The following MDN1 variants were observed in gnomAD, a reference collection of about 807,000 sequenced individuals.
The protein encoded by MDN1 is midasin.
Under a neutral mutation model 669.2 loss-of-function variants are expected in MDN1, and 266 were observed. That is an observed-to-expected ratio of 0.40 (90% CI 0.36 to 0.44). The LOEUF is 0.44. Ranked by LOEUF, MDN1 falls within the 20% of genes least tolerant of loss-of-function variation. The pLI is 1.00. For synonymous variants in MDN1, 2,385 were observed against 2,457.1 expected, an observed-to-expected ratio of 0.97 and a Z score of 0.87; for missense variants, 5,940 against 6,754.0, an observed-to-expected ratio of 0.88 and a Z score of 4.22.
chr6:89,676,036 G>T, intron 77 of MDN1, 66 bp downstream of exon 77: 1 of 1,455,760 alleles, frequency 6.9e-7, no homozygotes, highest in Non-Finnish European at 9.6e-7. Context: ...TGAGAATACA[G>T]CCCTGGGATG....
At chr6:89,812,206 A>C (rs765224474) in intron 1 of MDN1, among the ~76,000 whole-genome samples, 3 of 151,750 alleles carry the variant, frequency 2.0e-5, no homozygotes, top group Non-Finnish European at 4.4e-5. Context: ...GGCTGGTCTC[A>C]AACTCCTGAC....
chr6:89,743,776 C>A, intron 29 of MDN1, 62 bp from the exon 30 acceptor site: 4 of 1,546,664 alleles, frequency 2.6e-6, no homozygotes, highest in Non-Finnish European at 2.7e-6. Flanking sequence ...CATAAACACC[C>A]CCCCTCAGCA....
chr6:89,702,332 T>A (rs1453275412), intron 53 of MDN1, among the ~76,000 whole-genome samples: 1 of 152,224 alleles, frequency 6.6e-6, no homozygotes, highest in Non-Finnish European at 1.5e-5. Flanking sequence ...ATGGAATTGC[T>A]GGGTCAAAGT....
chr6:89,814,084 T>C (rs1437901811), intron 1 of MDN1, among the ~76,000 whole-genome samples: 1 of 151,872 alleles, frequency 6.6e-6, no homozygotes, highest in Non-Finnish European at 1.5e-5. Flanking sequence ...AAAGAAAGCA[T>C]AAACCAAAAA....
At chr6:89,709,258 T>C (rs1217510463) in intron 50 of MDN1, among the ~76,000 whole-genome samples, 2 of 152,258 alleles carry the variant, frequency 1.3e-5, no homozygotes, top group East Asian at 1.9e-4. Flanking sequence ...GGCAGGACGG[T>C]TCAGTGGAGC....
Position 89,650,807 on chromosome 6 carries a change from A to G in MDN1, c.15956T>C (p.Leu5319Ser), listed in dbSNP as rs1335849599. 1 of 1,614,152 alleles carries G rather than the reference A, an allele frequency of 6.2e-7. No individual in the cohort carries two copies. Among genetic ancestry groups the G allele is most frequent in the East Asian group, 2.2e-5 (1 of 44,872 alleles). ...TAACCGTTGTGAAAGAGGCGCTGTTAAGATCAGGTAACTCTGCCACATCTC... is the reference window on the plus strand; with the variant it reads ...TAACCGTTGTGAAAGAGGCGCTGTTGAGATCAGGTAACTCTGCCACATCTC... ...AAEMWQSYLI[L>S]TAPLSQRLCE... is the part of the protein sequence containing the mutation. Residue 5319 changes from leucine to serine, a missense_variant, in exon 96 of 102, where the codon TTA becomes TCA. Transcript: ENST00000369393.
chr6:89,789,898 A>AT lies in MDN1; in HGVS notation c.1111dup (p.Met371AsnfsTer34). 6.2e-7 allele frequency: 1 copy of AT among 1,611,268 alleles called. No individual in the cohort carries two copies. The highest frequency in any genetic ancestry group is 8.5e-7 in the Non-Finnish European group (1 of 1,179,278). ...TCCAGGAACATCTGTGCAGCGATAC[A>AT]TCCCCAAAAGCATCTGCAGAAAGAA... On this transcript the variant is annotated frameshift_variant, in exon 7 of 102. Transcript: ENST00000369393. LOFTEE classifies it high-confidence loss of function.
At position 89,706,085 on chromosome 6, in the gene MDN1, T is replaced by C. The variant is rs776710040; in HGVS notation, c.8122A>G (p.Met2708Val). 2 of 1,609,306 alleles carry C rather than the reference T, an allele frequency of 1.2e-6. No homozygotes were observed. The highest frequency in any genetic ancestry group is 1.7e-6 in the Non-Finnish European group (2 of 1,177,024). Residue 2708 changes from methionine (M) to valine (V), a missense_variant, in exon 53 of 102, where the codon ATG (methionine) becomes GTG (valine). Transcript: ENST00000369393. The part of the protein sequence containing the change: ...VLLWVQSSQG[M>V]VSDASANEIL... ...TCATTGGCACTGGCATCAGACACCA[T>C]TCCCTGGGAGGACTGTACCCAGAGC...
rs1808321763 is a variant in MDN1 at position 89,644,088 on chromosome 6, G to T, written c.16708C>A (p.Arg5570=). The T allele has an allele frequency of 6.2e-7, 1 of 1,614,060 alleles. No individual in the cohort carries two copies. The highest frequency in any genetic ancestry group is 8.5e-7 in the Non-Finnish European group (1 of 1,180,008). The change falls in exon 102 of 102, where the codon CGA becomes AGA. Residue 5570 remains arginine, a synonymous_variant. Transcript: ENST00000369393. Reference sequence around the variant, plus strand: ...GTCTCAGGAAGTGCGTTTACATCTCGAAGAATGATATAGTATGGGAATGGG... The same window carrying T: ...GTCTCAGGAAGTGCGTTTACATCTCTAAGAATGATATAGTATGGGAATGGG... ...EFPFPYYIIL[R]DVNALPETLS...
chr6:89,749,809 C>A, intron 24 of MDN1, 58 bp from the exon 25 acceptor site: 1 of 1,298,196 alleles, frequency 7.7e-7, no homozygotes, highest in Middle Eastern at 2.0e-4. Flanking sequence ...TTTTAAAATG[C>A]ATTATGTACA....
rs559370216 is a variant in MDN1, at chr6:89,723,757, ATTTC to A, written c.5671-142_5671-139del. The A allele has an allele frequency of 8.7e-4, 425 of 489,584 alleles. 1 individual carries two copies. The highest frequency in any genetic ancestry group is 7.8e-3 in the African/African-American group (389 of 49,804). The allele number at this position is 489,584 out of a possible 1,614,324, so 30.3% of individuals were successfully genotyped here. On this transcript the variant is annotated intron_variant, in intron 38 of 101. Transcript: ENST00000369393. ...AGAAATATAATTTTCAGTTATAGAA[ATTTC>A]TTTTTTTGTGTTTTGAGAATAAAGA...
rs181541887 is a variant in MDN1 at position 89,737,786 on chromosome 6, C to T, written c.4723+540G>A. Among the ~76,000 whole-genome samples, 461 of 149,076 alleles carry T rather than the reference C, an allele frequency of 3.1e-3. 1 individual carries two copies. Among genetic ancestry groups the T allele is most frequent in the African/African-American group, 0.01 (406 of 40,360 alleles). On this transcript the variant is annotated intron_variant, in intron 33 of 101. Coordinates refer to ENST00000369393, the MANE Select transcript of MDN1 (RefSeq NM_014611.3). Reference sequence around the variant, plus strand: ...CTGCCCAGGCTGGAGTGCAATGGCGCGATCTTGGATCACTGCAACCTCCAC... The same window carrying T: ...CTGCCCAGGCTGGAGTGCAATGGCGTGATCTTGGATCACTGCAACCTCCAC...
intron 83 of MDN1, among the ~76,000 whole-genome samples, chr6:89,669,881 T>C (rs553652970): frequency 1.4e-3 from 212 of 151,790 alleles, no homozygotes; most frequent in African/African-American, 4.9e-3. Context: ...ACCGGGTACA[T>C]GGCTGAATGA....
rs1808747016 is a variant in MDN1 at position 89,650,100 on chromosome 6, T to C, written c.16130A>G (p.Lys5377Arg). ...AATCTGATACTGGCGTTTACTGGGC[T>C]TGGTCCTTCGAAGCCAAATCTTGTC... ...RKDKIWLRRT[K>R]PSKRQYQICL... is the part of the protein sequence containing the mutation. Residue 5377 changes from lysine (K) to arginine (R), a missense_variant, in exon 97 of 102, where the codon AAG becomes AGG. Around this residue, in one of 5 missense-constraint regions of MDN1, gnomAD observed 2,280 missense variants for 2,576.3 expected, o/e 0.88. Coordinates refer to ENST00000369393, the MANE Select transcript of MDN1 (RefSeq NM_014611.3). 1.9e-6 allele frequency: 3 copies of C among 1,614,078 alleles called. No individual in the cohort carries two copies. The South Asian group carries it at 3.3e-5, about 18-fold the overall frequency.
intron 75 of MDN1, among the ~76,000 whole-genome samples, chr6:89,678,128 C>T (rs369700345): frequency 5.1e-4 from 78 of 152,220 alleles, no homozygotes; most frequent in Middle Eastern, 6.8e-3. Context: ...AAAAATCAGC[C>T]GGGTGTGGTG....
At chr6:89,649,207 CTGAG>C (rs759917085) in intron 97 of MDN1, among the ~76,000 whole-genome samples, 3 of 152,178 alleles carry the variant, frequency 2.0e-5, no homozygotes, top group Non-Finnish European at 4.4e-5. Context: ...CAGCAGCAAA[CTGAG>C]TGTTCTACAT....
rs768273714 is a variant in MDN1 at position 89,762,499 on chromosome 6, G to C, written c.2176C>G (p.Leu726Val). 4 of 1,613,904 alleles carry C rather than the reference G, an allele frequency of 2.5e-6. No homozygotes were observed. The highest frequency in any genetic ancestry group is 3.4e-6 in the Non-Finnish European group (4 of 1,179,840). Residue 726 changes from leucine to valine, a missense_variant, in exon 16 of 102, where the codon CTA becomes GTA. Leu to Val is a conservative substitution (Grantham distance 32). Transcript: ENST00000369393. The stretch of plus-strand genomic sequence containing the variant: ...TCCTCAAATGCCTCCCGTAAGGGTA[G>C]CCAAATAAGCTTATGGTCCACCGGT... ...YKPVDHKLIW[L>V]PLREAFEELF...
chr6:89,700,293 A>T lies in MDN1; in HGVS notation c.8640T>A (p.Asp2880Glu), dbSNP rs183374501. ...RANILEDVSL[D>E]ELKNFVHAQC... ...GAGCATGCACAAAATTCTTCAATTC[A>T]TCTGGACAAAAAGACAAATGTTGTA... The change falls in exon 57 of 102, where the codon GAT becomes GAA. Residue 2880 changes from aspartate to glutamate, a missense_variant and splice_region_variant. Asp to Glu is a conservative substitution (Grantham distance 45, BLOSUM62 2). Coordinates refer to ENST00000369393, the MANE Select transcript of MDN1 (RefSeq NM_014611.3). The T allele has an allele frequency of 3.1e-6, 5 of 1,612,202 alleles. No homozygotes were observed. The Admixed American group carries it at 8.3e-5, about 27-fold the overall frequency.
At chr6:89,745,143 A>AAAG (rs2128317691) in intron 29 of MDN1, 130 bp downstream of exon 29, 1 of 943,890 alleles carries the variant, frequency 1.1e-6, no homozygotes, top group East Asian at 3.9e-5. Context: ...TTAAAAAAAA[A>AAAG]AAAAAAAAAG....
Sources: gnomAD v4.1 joint callset for allele counts (sites outside exome capture counted in the v4.1 genomes callset) on GRCh38, gnomAD v4.1.1 for gene constraint, gnomAD v4.1.1 regional missense constraint, MANE v1.5 for transcripts, NCBI Gene and HGNC (gene_info 2026-07-23, HGNC 2026-07-21) for gene names.